TENM2: variants seen among roughly 807,000 people sequenced by gnomAD.
TENM2 encodes teneurin transmembrane protein 2, also known as teneurin-2.
A neutral mutation model predicts 245.2 loss-of-function variants in TENM2; 52 were observed. The observed-to-expected ratio is 0.21, with a 90% confidence interval of 0.17 to 0.27. The LOEUF (loss-of-function observed/expected upper bound fraction) is 0.27. Ranked by LOEUF, TENM2 falls within the 10% of genes least tolerant of loss-of-function variation. The pLI is 1.00. For missense variants in TENM2, 3,046 were observed against 3,666.8 expected (o/e 0.83, Z 4.37); for synonymous variants, 1,363 against 1,438.9 (o/e 0.95, Z 1.19).
chr5:167,976,535 A>G (rs1782459117), intron 4 of TENM2, among the ~76,000 whole-genome samples: 1 of 152,178 alleles, frequency 6.6e-6, no homozygotes, highest in Non-Finnish European at 1.5e-5. Context: ...TCCAAAAAGC[A>G]CATTTTAAGA....
intron 2 of TENM2, among the ~76,000 whole-genome samples, chr5:167,849,872 C>A (rs73803239): frequency 3.9e-5 from 6 of 152,308 alleles, no homozygotes; most frequent in Admixed American, 1.3e-4. Context: ...TTCCATGCCT[C>A]TCCAAGTATG....
At chr5:167,536,381 A>G (rs1771847733) in intron 2 of TENM2, among the ~76,000 whole-genome samples, 1 of 152,158 alleles carries the variant, frequency 6.6e-6, no homozygotes, top group Non-Finnish European at 1.5e-5. Context: ...TGATCAGCAA[A>G]CTTATTCTAT....
the TENM2 span, among the ~76,000 whole-genome samples, chr5:167,123,261 G>C: frequency 6.6e-6 from 1 of 152,150 alleles, no homozygotes; most frequent in South Asian, 2.1e-4. Flanking sequence ...CAGAGGTTGC[G>C]GTGAGCCAAG....
At chr5:167,073,174 T>A in the TENM2 span, among the ~76,000 whole-genome samples, 4 of 152,236 alleles carry the variant, frequency 2.6e-5, no homozygotes, top group South Asian at 2.1e-4. Flanking sequence ...TGGTATTTAT[T>A]TGCATTTTTT....
intron 9 of TENM2, among the ~76,000 whole-genome samples, chr5:168,116,920 A>G (rs1224391526): frequency 1.3e-5 from 2 of 152,226 alleles, no homozygotes; most frequent in Non-Finnish European, 2.9e-5. Flanking sequence ...TAACACCAGG[A>G]GTCACTGAAA....
At chr5:167,407,904 C>A in intron 2 of TENM2, among the ~76,000 whole-genome samples, 1 of 152,050 alleles carries the variant, frequency 6.6e-6, no homozygotes, top group Non-Finnish European at 1.5e-5. Flanking sequence ...GACCTTCCTC[C>A]TAGAAAGGAA....
intron 2 of TENM2, among the ~76,000 whole-genome samples, chr5:167,672,701 A>G (rs1756038416): frequency 6.6e-6 from 1 of 152,074 alleles, no homozygotes; most frequent in Non-Finnish European, 1.5e-5. Flanking sequence ...TGGATTCCTA[A>G]ATGAAAGTTT....
intron 1 of TENM2, among the ~76,000 whole-genome samples, chr5:167,298,954 G>C (rs2127732423): frequency 6.6e-6 from 1 of 152,274 alleles, no homozygotes; most frequent in East Asian, 1.9e-4. Flanking sequence ...GTCCGAGTTG[G>C]TCTGGTGTCT....
At chr5:167,321,886 G>T (rs1313462610) in intron 1 of TENM2, among the ~76,000 whole-genome samples, 2 of 143,822 alleles carry the variant, frequency 1.4e-5, no homozygotes, top group African/African-American at 5.2e-5. Context: ...TCAGATCTCG[G>T]TTGCAGATCT....
At chr5:167,147,809 C>T in the TENM2 span, among the ~76,000 whole-genome samples, 1 of 152,104 alleles carries the variant, frequency 6.6e-6, no homozygotes, top group Non-Finnish European at 1.5e-5. Flanking sequence ...AATGACTATA[C>T]ACCCTCAACC....
chr5:167,573,466 G>T (rs143332688), intron 2 of TENM2, among the ~76,000 whole-genome samples: 81 of 151,866 alleles, frequency 5.3e-4, no homozygotes, highest in Non-Finnish European at 6.8e-4. Context: ...AGAATCCTTT[G>T]CCTGAAACCC....
At chr5:167,542,191 AAAAGCC>A (rs1479126990) in intron 2 of TENM2, among the ~76,000 whole-genome samples, 2 of 152,210 alleles carry the variant, frequency 1.3e-5, no homozygotes, top group Non-Finnish European at 2.9e-5. Flanking sequence ...TCCACCTTCC[AAAAGCC>A]AGAAGAGAAG....
At chr5:168,110,338 A>T (rs1033954593) in intron 9 of TENM2, among the ~76,000 whole-genome samples, 1 of 152,176 alleles carries the variant, frequency 6.6e-6, no homozygotes, top group Non-Finnish European at 1.5e-5. Flanking sequence ...TCTAGTGATG[A>T]CTATGTGCCA....
chr5:167,927,364 T>G (rs1401846367), intron 3 of TENM2, among the ~76,000 whole-genome samples: 1 of 152,074 alleles, frequency 6.6e-6, no homozygotes, highest in Non-Finnish European at 1.5e-5. Flanking sequence ...CATTGTAGAG[T>G]GAATAGTGCC....
chr5:167,284,230 G>A (rs919317174), upstream of TENM2, among the ~76,000 whole-genome samples: 1 of 151,570 alleles, frequency 6.6e-6, no homozygotes, highest in African/African-American at 2.4e-5. Flanking sequence ...TCCAGACAAA[G>A]CTAGGAAATG....
intron 12 of TENM2, among the ~76,000 whole-genome samples, chr5:168,135,865 C>T (rs765968296): frequency 3.9e-5 from 6 of 152,122 alleles, no homozygotes; most frequent in Admixed American, 2.0e-4. Context: ...AGCTACCAGC[C>T]AGTGTTTTTT....
the TENM2 span, among the ~76,000 whole-genome samples, chr5:167,172,680 A>C: frequency 2.1e-5 from 3 of 142,312 alleles, no homozygotes; most frequent in Middle Eastern, 3.5e-3. Flanking sequence ...GTTGGAGTGC[A>C]GTGGTCCTGC....
Position 167,401,836 on chromosome 5 carries a change from G to T in TENM2, c.502+26363G>T, listed in dbSNP as rs371795649. ...TGTTGGATAGTTAGGGTTGTTTTCAGTTGTAACTTTCTCTTGTCTTTGTCA... is the reference window on the plus strand; with the variant it reads ...TGTTGGATAGTTAGGGTTGTTTTCATTTGTAACTTTCTCTTGTCTTTGTCA... On this transcript the variant is annotated intron_variant, in intron 2 of 28. Transcript: ENST00000518659. Among the ~76,000 whole-genome samples, 4 of 152,216 alleles carry T rather than the reference G, an allele frequency of 2.6e-5. No individual in the cohort carries two copies. In the South Asian group the frequency reaches 8.3e-4, roughly 32 times the overall value.
the TENM2 span, among the ~76,000 whole-genome samples, chr5:167,167,216 G>A: frequency 6.6e-6 from 1 of 152,122 alleles, no homozygotes; most frequent in Non-Finnish European, 1.5e-5. Flanking sequence ...ACAAACCAGG[G>A]TGTCTTCAAT....
Sources: gnomAD v4.1 joint callset for allele counts (sites outside exome capture counted in the v4.1 genomes callset) on GRCh38, gnomAD v4.1.1 for gene constraint, MANE v1.5 for transcripts, NCBI Gene and HGNC (gene_info 2026-07-23, HGNC 2026-07-21) for gene names.